The following CEP128 variants were observed in gnomAD, a reference collection of about 807,000 sequenced individuals.
The protein encoded by CEP128 is centrosomal protein 128kDa.
Under a neutral mutation model 156.7 loss-of-function variants are expected in CEP128, and 132 were observed. The ratio of observed to expected loss-of-function variants is 0.84; its 90% CI spans 0.73 to 0.97. The LOEUF is 0.97. Ranked by LOEUF, CEP128 falls within the 50% of genes least tolerant of loss-of-function variation. CEP128 has a pLI of 0.00. For missense variants in CEP128, 1,252 were observed against 1,281.9 expected (o/e 0.98, Z 0.36); for synonymous variants, 469 against 448.9 (o/e 1.04, Z -0.57).
chr14:80,889,804 C>T (rs1889000213), intron 8 of CEP128, among the ~76,000 whole-genome samples: 2 of 152,136 alleles, frequency 1.3e-5, no homozygotes. Flanking sequence ...AGAGCTTCTG[C>T]ACAGTAAAAG....
chr14:80,625,346 T>C (rs1391018741), intron 19 of CEP128, among the ~76,000 whole-genome samples: 1 of 152,212 alleles, frequency 6.6e-6, no homozygotes. Flanking sequence ...TTTTGGTTAA[T>C]GTAGCTTTGT....
At chr14:80,689,818 A>T (rs528223869) in intron 19 of CEP128, among the ~76,000 whole-genome samples, 1 of 152,120 alleles carries the variant, frequency 6.6e-6, no homozygotes, top group South Asian at 2.1e-4. Context: ...AAATGTATTA[A>T]TTTATACATC....
chr14:80,930,153 C>T (rs1566722245), intron 2 of CEP128, among the ~76,000 whole-genome samples: 1 of 152,152 alleles, frequency 6.6e-6, no homozygotes, highest in Non-Finnish European at 1.5e-5. Context: ...GGTGGTGATT[C>T]TAGTGCTGGG....
At chr14:80,918,086 T>C (rs1884661372) in intron 2 of CEP128, among the ~76,000 whole-genome samples, 1 of 152,182 alleles carries the variant, frequency 6.6e-6, no homozygotes. Context: ...ATTACAAAGG[T>C]ATAGTACCCA....
intron 20 of CEP128, among the ~76,000 whole-genome samples, chr14:80,567,384 T>C (rs1595016861): frequency 6.6e-6 from 1 of 152,224 alleles, no homozygotes; most frequent in East Asian, 1.9e-4. Flanking sequence ...GGGGGTCTAT[T>C]GGTTTGTTGG....
chr14:80,775,896 G>A (rs1036489258), intron 16 of CEP128, among the ~76,000 whole-genome samples: 3 of 152,096 alleles, frequency 2.0e-5, no homozygotes, highest in African/African-American at 4.8e-5. Context: ...GCAGTGGCAC[G>A]ATCTCGGCTC....
At chr14:80,551,870 T>A (rs1171894117) in intron 21 of CEP128, among the ~76,000 whole-genome samples, 7 of 152,110 alleles carry the variant, frequency 4.6e-5, no homozygotes, top group Non-Finnish European at 1.0e-4. Flanking sequence ...TATGTGCAAC[T>A]AAGAAGGACA....
chr14:80,689,268 A>C (rs1428197980), intron 19 of CEP128, among the ~76,000 whole-genome samples: 2 of 135,620 alleles, frequency 1.5e-5, no homozygotes, highest in Admixed American at 1.7e-4. Flanking sequence ...TGCAGCCTGC[A>C]TGACACAGCG....
At chr14:80,657,867 T>A (rs539003111) in intron 19 of CEP128, among the ~76,000 whole-genome samples, 1 of 152,292 alleles carries the variant, frequency 6.6e-6, no homozygotes, top group South Asian at 2.1e-4. Flanking sequence ...CCAAAAAGAC[T>A]AACAAGGTAA....
At chr14:80,602,297 C>A (rs1892612282) in intron 19 of CEP128, among the ~76,000 whole-genome samples, 1 of 152,054 alleles carries the variant, frequency 6.6e-6, no homozygotes, top group Non-Finnish European at 1.5e-5. Flanking sequence ...TAGGATAGAA[C>A]AAATAAACAT....
intron 19 of CEP128, among the ~76,000 whole-genome samples, chr14:80,640,597 T>G (rs572003002): frequency 1.3e-5 from 2 of 152,178 alleles, no homozygotes; most frequent in African/African-American, 4.8e-5. Flanking sequence ...CTCTATATGC[T>G]TTTCTGGTTC....
intron 19 of CEP128, among the ~76,000 whole-genome samples, chr14:80,623,770 A>T (rs888029491): frequency 6.6e-6 from 1 of 152,144 alleles, no homozygotes; most frequent in African/African-American, 2.4e-5. Context: ...TTCCTTCCAG[A>T]AGTAGATTTT....
At chr14:80,662,634 T>G (rs558535781) in intron 19 of CEP128, among the ~76,000 whole-genome samples, 16 of 152,310 alleles carry the variant, frequency 1.1e-4, no homozygotes, top group African/African-American at 3.6e-4. Context: ...AACTATATTC[T>G]GTAGCTTATA....
At chr14:80,607,914 C>A (rs1471047063) in intron 19 of CEP128, among the ~76,000 whole-genome samples, 1 of 152,204 alleles carries the variant, frequency 6.6e-6, no homozygotes, top group East Asian at 1.9e-4. Flanking sequence ...CAGAAGTACT[C>A]TCTCTGCTGT....
chr14:80,722,082 G>C (rs1021945154), intron 19 of CEP128, among the ~76,000 whole-genome samples: 5 of 152,162 alleles, frequency 3.3e-5, no homozygotes, highest in Admixed American at 2.0e-4. Flanking sequence ...AAGGCATTTA[G>C]TAGTTCTCTA....
At chr14:80,795,314 CTATTACACCCTCT>C (rs1173209895) in intron 13 of CEP128, among the ~76,000 whole-genome samples, 1 of 152,218 alleles carries the variant, frequency 6.6e-6, no homozygotes, top group African/African-American at 2.4e-5. Context: ...ATCTAATCAG[CTATTACACCCTCT>C]TCCTTCTGTG....
intron 2 of CEP128, among the ~76,000 whole-genome samples, chr14:80,933,904 G>T (rs905315128): frequency 6.6e-6 from 1 of 152,176 alleles, no homozygotes. Context: ...GAGATTAGTA[G>T]CTAGAAAGGA....
Position 80,955,588 on chromosome 14 carries a change from C to T in CEP128, c.-172+2590G>A, listed in dbSNP as rs1886616969. On this transcript the variant is annotated intron_variant, in intron 2 of 7. Coordinates refer to the CEP128 transcript ENST00000555529. ...CTCCCTCTTCCCACCCCTCCCGCTC[C>T]CGGGTCTCCTTTGGCCTGGGGTAAC... The T allele has an allele frequency of 1.7e-5, 26 of 1,507,564 alleles. No individual in the cohort carries two copies. The East Asian group carries it at 5.6e-4, about 33-fold the overall frequency. 93.4% of individuals were successfully genotyped at this position (1,507,564 alleles called of 1,614,324 possible).
intron 14 of CEP128, among the ~76,000 whole-genome samples, chr14:80,791,786 A>T (rs759677565): frequency 2.0e-5 from 3 of 152,216 alleles, no homozygotes; most frequent in Admixed American, 1.3e-4. Flanking sequence ...TGTCCGAGAA[A>T]TTCATATGTA....
Sources: gnomAD v4.1 joint callset for allele counts (sites outside exome capture counted in the v4.1 genomes callset) on GRCh38, gnomAD v4.1.1 for gene constraint, MANE v1.5 for transcripts, NCBI Gene and HGNC (gene_info 2026-07-23, HGNC 2026-07-21) for gene names.